The following TRIB2 variants were observed in gnomAD, a reference collection of about 807,000 sequenced individuals.
TRIB2 encodes the protein tribbles homolog 2.
In TRIB2, 2 loss-of-function variants were observed where a neutral mutation model predicts 26.8. That is an observed-to-expected ratio of 0.07 (90% CI 0.03 to 0.24). TRIB2 has a LOEUF of 0.24. TRIB2 is among the 10% of genes least tolerant of loss of function. TRIB2 has a pLI of 1.00. For missense variants in TRIB2, 306 were observed against 449.0 expected (o/e 0.68, Z 2.88); for synonymous variants, 189 against 187.3 (o/e 1.01, Z -0.08).
chr2:12,722,673 C>T (rs867520744), intron 1 of TRIB2, among the ~76,000 whole-genome samples: 1 of 152,158 alleles, frequency 6.6e-6, no homozygotes, highest in Admixed American at 6.5e-5. Flanking sequence ...ATATTCCTAC[C>T]TCTGCCACTG....
intron 2 of TRIB2, among the ~76,000 whole-genome samples, chr2:12,728,320 G>A (rs1279921923): frequency 2.1e-5 from 2 of 94,046 alleles, no homozygotes; most frequent in Non-Finnish European, 4.1e-5. Flanking sequence ...GCTGATGGAA[G>A]CCTCCTCTGC....
chr2:12,723,872 G>C (rs1272956243), intron 2 of TRIB2, among the ~76,000 whole-genome samples: 1 of 152,170 alleles, frequency 6.6e-6, no homozygotes, highest in Non-Finnish European at 1.5e-5. Flanking sequence ...AGTAAAGGCA[G>C]GGCCTTGAAA....
Position 12,717,134 on chromosome 2 carries a change from G to C in TRIB2, c.-1174G>C. ...ACACGGTCCCCTCTTTTCTCTGGGG[G>C]GGGCAAGCAAGAAATCAAAGAAGGA... On this transcript the variant is annotated 5_prime_UTR_variant, in exon 1 of 3. Transcript: ENST00000155926. The surrounding 1 kb of genome is among the most constrained non-coding windows in gnomAD (Gnocchi z 4.8). 1 of 375,094 alleles carries C rather than the reference G, an allele frequency of 2.7e-6. No homozygotes were observed. The highest frequency in any genetic ancestry group is 4.7e-6 in the Non-Finnish European group (1 of 212,034). 23.2% of individuals were successfully genotyped at this position (375,094 alleles called of 1,614,324 possible). A position where few individuals can be genotyped will look rare whatever the true frequency, so the allele number is the denominator to read the frequency against.
rs554652846 is a variant in TRIB2 at position 12,742,194 on chromosome 2, G to A, written c.*1400G>A. ...TGTTTTTTATTACGGCTTTTCTATT[G>A]CTGTATGATACAGAACTCTTTTGGC... is the stretch of plus-strand genomic sequence containing the variant. On this transcript the variant is annotated 3_prime_UTR_variant, in exon 3 of 3. Coordinates refer to ENST00000155926, the MANE Select transcript of TRIB2 (RefSeq NM_021643.4). 1.3e-5 allele frequency: 2 copies of A among 152,640 alleles called. No homozygotes were observed. Among genetic ancestry groups the A allele is most frequent in the East Asian group, 3.9e-4 (2 of 5,188 alleles). The allele number at this position is 152,640 out of a possible 1,614,324, so 9.5% of individuals were successfully genotyped here. A position where few individuals can be genotyped will look rare whatever the true frequency, so the allele number is the denominator to read the frequency against.
chr2:12,722,146 C>A (rs1661233201), intron 1 of TRIB2, among the ~76,000 whole-genome samples: 3 of 152,288 alleles, frequency 2.0e-5, no homozygotes, highest in African/African-American at 7.2e-5. Context: ...GACTTCCAGT[C>A]CAGCATATTT....
intron 2 of TRIB2, among the ~76,000 whole-genome samples, chr2:12,738,182 G>C (rs7422473): frequency 0.33 from 50,642 of 152,060 alleles, 10,197 homozygotes; most frequent in East Asian, 0.74. Context: ...ACCTTGCCCC[G>C]CTTCTATGGC....
intron 2 of TRIB2, among the ~76,000 whole-genome samples, chr2:12,735,790 G>A (rs911530907): frequency 2.0e-5 from 3 of 152,100 alleles, no homozygotes; most frequent in African/African-American, 7.2e-5. Context: ...TGCAGCATGT[G>A]CCGAACCAAA....
intron 2 of TRIB2, among the ~76,000 whole-genome samples, chr2:12,726,925 A>C (rs935293850): frequency 6.6e-6 from 1 of 152,170 alleles, no homozygotes; most frequent in African/African-American, 2.4e-5. Flanking sequence ...CTCTGCATCC[A>C]TGGCCATCCA....
chr2:12,733,531 A>G (rs1277264973), intron 2 of TRIB2, among the ~76,000 whole-genome samples: 1 of 152,126 alleles, frequency 6.6e-6, no homozygotes, highest in African/African-American at 2.4e-5. Context: ...CAGCTTCCTT[A>G]TATATTAGGT....
rs1462497987 is a variant in TRIB2, at chr2:12,736,815, T to C, written c.564-3511T>C. On this transcript the variant is annotated intron_variant, in intron 2 of 2. Coordinates refer to ENST00000155926, the MANE Select transcript of TRIB2 (RefSeq NM_021643.4). The stretch of plus-strand genomic sequence containing the variant: ...CATCCCAAAATGATCACCATAATGA[T>C]ACATAGTAAATCATGAAATGTAAAT... Among the ~76,000 whole-genome samples, 3 of 152,246 alleles carry C rather than the reference T, an allele frequency of 2.0e-5. No homozygotes were observed. In the East Asian group the frequency reaches 5.8e-4, roughly 29 times the overall value.
At chr2:12,735,674 G>C (rs6719048) in intron 2 of TRIB2, among the ~76,000 whole-genome samples, 1 of 151,980 alleles carries the variant, frequency 6.6e-6, no homozygotes, top group African/African-American at 2.4e-5. Context: ...GACATCTGCC[G>C]TTTGGTACTT....
chr2:12,732,209 T>G lies in TRIB2; in HGVS notation c.564-8117T>G, dbSNP rs1661472423. Among the ~76,000 whole-genome samples the G allele has an allele frequency of 6.6e-6, 1 of 151,698 alleles. No individual in the cohort carries two copies. The highest frequency in any genetic ancestry group is 1.5e-5 in the Non-Finnish European group (1 of 67,944). ...TTCATCCAGGCACCATGGATGGGAG[T>G]CGGGCAGGAATGTGCACCTGCATGC... On this transcript the variant is annotated intron_variant, in intron 2 of 2. Coordinates refer to ENST00000155926, the MANE Select transcript of TRIB2 (RefSeq NM_021643.4). The surrounding 1 kb of genome is among the most constrained non-coding windows in gnomAD (Gnocchi z 4.2).
chr2:12,727,441 A>G, intron 2 of TRIB2, among the ~76,000 whole-genome samples: 1 of 152,208 alleles, frequency 6.6e-6, no homozygotes, highest in East Asian at 1.9e-4. Context: ...GATTTAGGCC[A>G]CATTCTCCTC....
chr2:12,727,696 G>C (rs1399966315), intron 2 of TRIB2, among the ~76,000 whole-genome samples: 1 of 152,064 alleles, frequency 6.6e-6, no homozygotes, highest in Non-Finnish European at 1.5e-5. Context: ...GGTTCTTTTT[G>C]TTTATACTGC....
rs1486292479 is a variant in TRIB2 at position 12,721,712 on chromosome 2, C to T, written c.271-1548C>T. On this transcript the variant is annotated intron_variant, in intron 1 of 2. Coordinates refer to ENST00000155926, the MANE Select transcript of TRIB2 (RefSeq NM_021643.4). ...GCTGTGCCGCTTTTCTGAGATGCCT[C>T]GTTATGGTTCATTCACAACATTACT... Among the ~76,000 whole-genome samples the T allele has an allele frequency of 3.9e-5, 6 of 152,176 alleles. No homozygotes were observed. In the South Asian group the frequency reaches 6.2e-4, roughly 16 times the overall value.
chr2:12,733,978 G>A (rs974988430), intron 2 of TRIB2, among the ~76,000 whole-genome samples: 5 of 152,180 alleles, frequency 3.3e-5, no homozygotes, highest in African/African-American at 1.2e-4. Flanking sequence ...TTCCTCACCT[G>A]GCACCGGGAT....
In TRIB2 at chr2:12,718,278, T is replaced by G; in HGVS notation, c.-30T>G. 1 of 1,590,822 alleles carries G rather than the reference T, an allele frequency of 6.3e-7. No homozygotes were observed. The highest frequency in any genetic ancestry group is 8.6e-7 in the Non-Finnish European group (1 of 1,166,384). Reference sequence around the variant, plus strand: ...CGACTCATCTCTCCAGCGGGTTTTTTTTTGTTTGTCGTGTGCGATCCTCAC... The same window carrying G: ...CGACTCATCTCTCCAGCGGGTTTTTGTTTGTTTGTCGTGTGCGATCCTCAC... On this transcript the variant is annotated 5_prime_UTR_variant, in exon 1 of 3. Transcript: ENST00000155926. This position sits in a 1 kb window ranked among gnomAD's most constrained non-coding sequence, Gnocchi z 4.0.
intron 2 of TRIB2, chr2:12,724,653 G>A: frequency 1.9e-6 from 3 of 1,612,852 alleles, no homozygotes; most frequent in Non-Finnish European, 1.7e-6. Context: ...GGAGCCTGGA[G>A]ATGTTTCCCC....
intron 2 of TRIB2, among the ~76,000 whole-genome samples, chr2:12,725,391 C>T (rs747974399): frequency 1.3e-5 from 2 of 152,222 alleles, no homozygotes; most frequent in Non-Finnish European, 2.9e-5. Context: ...GTGGCACTCT[C>T]TTGGTTTGCT....
Sources: allele counts gnomAD v4.1 joint callset (sites outside exome capture counted in the v4.1 genomes callset), GRCh38; gene constraint gnomAD v4.1.1; non-coding constraint Gnocchi (gnomAD v3.1); transcripts MANE v1.5; gene names NCBI Gene and HGNC (gene_info 2026-07-23, HGNC 2026-07-21).